The following CCDC120 variants were observed in gnomAD, a reference collection of about 807,000 sequenced individuals.
The protein encoded by CCDC120 is coiled-coil domain-containing protein 120.
A neutral mutation model predicts 37.6 loss-of-function variants in CCDC120; 16 were observed. The observed-to-expected ratio is 0.43, with a 90% confidence interval of 0.29 to 0.65. CCDC120 has a LOEUF of 0.65. Ranked by LOEUF, CCDC120 falls within the 30% of genes least tolerant of loss-of-function variation. The pLI, the probability that CCDC120 is intolerant of heterozygous loss-of-function variation, is 0.18. For missense variants in CCDC120, 650 were observed against 657.4 expected (o/e 0.99, Z 0.12); for synonymous variants, 309 against 275.4 (o/e 1.12, Z -1.21).
Position 49,067,517 on chromosome X carries a change from C to G in CCDC120, c.1403C>G (p.Ala468Gly), listed in dbSNP as rs781826924. Residue 468 changes from alanine to glycine, a missense_variant, in exon 10 of 11, where the codon GCC becomes GGC. By Grantham distance (60) the Ala-to-Gly change is moderately conservative. Around this residue, in one of 3 missense-constraint regions of CCDC120, gnomAD observed 576 missense variants for 565.3 expected, o/e 1.02. Transcript: ENST00000603986. ...TCAGCTGCCCCTGCCTCCCGAGGTG[C>G]CCCCCGGCTCCCACCTGTGTGTGGA... The part of the protein sequence containing the change: ...PSSAAPASRG[A>G]PRLPPVCGDF... 8.6e-7 allele frequency: 1 copy of G among 1,161,981 alleles called. No homozygotes were observed. The highest frequency in any genetic ancestry group is 2.0e-5 in the South Asian group (1 of 49,796).
rs1557082306 is a variant in CCDC120, at chrX:49,068,533, C to T, written c.1977-11C>T. On this transcript the variant is annotated splice_polypyrimidine_tract_variant and intron_variant, in intron 10 of 10. Transcript: ENST00000603986. ...GCCCTGTCCTCCGGATTCCTGCTACCCCTTCTAAAGATACTACGCGGACTT... is the reference window on the plus strand; with the variant it reads ...GCCCTGTCCTCCGGATTCCTGCTACTCCTTCTAAAGATACTACGCGGACTT... 1.8e-6 allele frequency: 2 copies of T among 1,111,557 alleles called. No homozygotes were observed. Among genetic ancestry groups the T allele is most frequent in the Non-Finnish European group, 1.2e-6 (1 of 844,265 alleles). The allele number at this position is 1,111,557 out of a possible 1,213,427, so 91.6% of individuals were successfully genotyped here. A position where few individuals can be genotyped will look rare whatever the true frequency, so the allele number is the denominator to read the frequency against.
intron 7 of CCDC120, 136 bp from the exon 8 acceptor site, chrX:49,065,318 T>A (rs1403146610): frequency 2.6e-6 from 2 of 777,806 alleles, no homozygotes; most frequent in Non-Finnish European, 3.7e-6. Flanking sequence ...AACCTACTTG[T>A]CAGCCTTAGT....
At chrX:49,060,162 C>T (rs1056338268) in intron 1 of CCDC120, among the ~76,000 whole-genome samples, 6 of 111,622 alleles carry the variant, frequency 5.4e-5, no homozygotes, top group Admixed American at 9.5e-5. Flanking sequence ...CAGTGCCTCA[C>T]GCATGTAATC....
intron 7 of CCDC120, 59 bp downstream of exon 7, chrX:49,065,157 C>T: frequency 1.8e-6 from 2 of 1,089,096 alleles, no homozygotes; most frequent in East Asian, 6.1e-5. Flanking sequence ...AGCCCATCCC[C>T]TTTATTCATC....
In CCDC120 at chrX:49,062,329, G is replaced by T. The variant is rs1336569241; in HGVS notation, c.154+4G>T. ...TCTCCTACCTTCAATGCCCCAGGTC[G>T]GTGGCTGCTTCCCCTCCTGCTGCCT... On this transcript the variant is annotated splice_donor_region_variant and intron_variant, in intron 3 of 10. Transcript: ENST00000603986. The T allele has an allele frequency of 8.3e-7, 1 of 1,205,873 alleles. No individual in the cohort carries two copies. The highest frequency in any genetic ancestry group is 1.1e-6 in the Non-Finnish European group (1 of 892,404).
At chrX:49,055,663 G>A (rs188401606), upstream of CCDC120, among the ~76,000 whole-genome samples, 69 of 112,036 alleles carry the variant, frequency 6.2e-4, no homozygotes, top group Admixed American at 5.6e-3. Flanking sequence ...GGATGATGGG[G>A]AGAACTTGGA....
intron 7 of CCDC120, 78 bp from the exon 8 acceptor site, chrX:49,065,376 G>T (rs1448807688): frequency 3.8e-6 from 4 of 1,041,041 alleles, no homozygotes; most frequent in Non-Finnish European, 5.1e-6. Context: ...CCCTCCCCAT[G>T]GCCTTGCCCC....
intron 9 of CCDC120, chrX:49,066,250 AG>A (rs2064952778): frequency 1.4e-5 from 2 of 140,154 alleles, no homozygotes; most frequent in Non-Finnish European, 2.7e-5. Flanking sequence ...AAAAAACAAA[AG>A]GTGTGGGACA....
exon 1 of CCDC120, chrX:49,053,604 C>G (rs2064812617): frequency 1.8e-5 from 2 of 113,209 alleles, no homozygotes; most frequent in Admixed American, 1.8e-4. Context: ...GCGGAGGTGG[C>G]CGTGCCGCTG....
intron 1 of CCDC120, chrX:49,053,952 G>C (rs782603704): frequency 8.9e-6 from 1 of 112,972 alleles, no homozygotes; most frequent in Admixed American, 9.3e-5. Context: ...CCGACGGGGC[G>C]TACCTGCGCG....
chrX:49,060,066 T>C (rs782815690), intron 1 of CCDC120, among the ~76,000 whole-genome samples: 2 of 111,734 alleles, frequency 1.8e-5, no homozygotes, highest in Non-Finnish European at 3.8e-5. Context: ...GTCGGGCTGA[T>C]AGGGAGGAGT....
intron 9 of CCDC120, 89 bp downstream of exon 9, chrX:49,065,934 G>GT: frequency 2.2e-6 from 2 of 911,796 alleles, no homozygotes; most frequent in Non-Finnish European, 3.0e-6. Context: ...TTATCAAAAG[G>GT]TGGGATGGCT....
chrX:49,060,957 C>T (rs1294089877), intron 1 of CCDC120, among the ~76,000 whole-genome samples: 2 of 111,444 alleles, frequency 1.8e-5, no homozygotes, highest in African/African-American at 6.5e-5. Context: ...GATAATGGAG[C>T]TCTGTGGCCC....
upstream of CCDC120, among the ~76,000 whole-genome samples, chrX:49,055,387 C>T (rs2147787179): frequency 8.9e-6 from 1 of 112,083 alleles, no homozygotes; most frequent in African/African-American, 3.2e-5. Flanking sequence ...ATGATCCCTG[C>T]TTTCCTGGAC....
At chrX:49,059,299 A>G in intron 1 of CCDC120, 1 of 751,715 alleles carries the variant, frequency 1.3e-6, no homozygotes, top group Non-Finnish European at 1.6e-6. Flanking sequence ...CCAAAACACC[A>G]ATTTCCTTTC....
chrX:49,063,958 C>T lies in CCDC120; in HGVS notation c.386C>T (p.Pro129Leu). The change falls in exon 5 of 11, where the codon CCA becomes CTA. Residue 129 changes from proline (P) to leucine (L), a missense_variant. Coordinates refer to ENST00000603986, the MANE Select transcript of CCDC120 (RefSeq NM_001163321.4). ...RRPPTARAYP[P>L]PHPNQAHHSL... ...CCCCCCACAGCCCGCGCCTACCCTC[C>T]ACCGCACCCCAACCAAGCACACCAC... The T allele has an allele frequency of 8.3e-7, 1 of 1,207,714 alleles. No individual in the cohort carries two copies. Among genetic ancestry groups the T allele is most frequent in the Non-Finnish European group, 1.1e-6 (1 of 893,621 alleles).
In CCDC120 at chrX:49,062,091, C is replaced by T; in HGVS notation, c.50C>T (p.Thr17Met). 2.6e-6 allele frequency: 3 copies of T among 1,157,506 alleles called. No individual in the cohort carries two copies. Among genetic ancestry groups the T allele is most frequent in the Non-Finnish European group, 3.4e-6 (3 of 873,030 alleles). ...GGCCAAGTGGGTCCAGACATCCACACGGATTCTGAAAGGGCAGGTCAAGCA... is the reference window on the plus strand; with the variant it reads ...GGCCAAGTGGGTCCAGACATCCACATGGATTCTGAAAGGGCAGGTCAAGCA... ...YQGQVGPDIHTDSERTLSSHQ... is the reference protein window; with the variant it reads ...YQGQVGPDIHMDSERTLSSHQ... Residue 17 changes from threonine to methionine, a missense_variant, in exon 2 of 11, where the codon ACG becomes ATG. Transcript: ENST00000603986.
chrX:49,066,950 A>C lies in CCDC120; in HGVS notation c.1062-226A>C, dbSNP rs1234954638. On this transcript the variant is annotated intron_variant, in intron 9 of 10. Transcript: ENST00000603986. ...CACCTCCCTTGGAGCTAACAGTGCC[A>C]GGCCTCCCCCACGCATTTCTACCCC... 191 of 409,354 alleles carry C rather than the reference A, an allele frequency of 4.7e-4. 1 individual carries two copies. Among genetic ancestry groups the C allele is most frequent in the East Asian group, 1.7e-3 (43 of 25,366 alleles). The allele number at this position is 409,354 out of a possible 1,213,427, so 33.7% of individuals were successfully genotyped here. A position where few individuals can be genotyped will look rare whatever the true frequency, so the allele number is the denominator to read the frequency against.
At position 49,065,624 on chromosome X, in the gene CCDC120, A is replaced by T; in HGVS notation, c.958A>T (p.Thr320Ser). The T allele has an allele frequency of 8.3e-7, 1 of 1,208,802 alleles. No individual in the cohort carries two copies. Among genetic ancestry groups the T allele is most frequent in the Non-Finnish European group, 1.1e-6 (1 of 894,298 alleles). The change falls in exon 8 of 11, where the codon ACC becomes TCC. Residue 320 changes from threonine to serine, a missense_variant. Coordinates refer to ENST00000603986, the MANE Select transcript of CCDC120 (RefSeq NM_001163321.4). ...CCGGCGGAACTCTGTGGCCAGCCCC[A>T]CCAGGTGAGAATGAGCCCCTCCTCC... ...KSRRNSVASP[T>S]SPTRSLPRSA...
Sources: allele counts gnomAD v4.1 joint callset (sites outside exome capture counted in the v4.1 genomes callset), GRCh38; gene constraint gnomAD v4.1.1; regional missense constraint gnomAD v4.1.1; transcripts MANE v1.5; gene names NCBI Gene and HGNC (gene_info 2026-07-23, HGNC 2026-07-21).